The following LURAP1L variants were observed in gnomAD, a reference collection of about 807,000 sequenced individuals.
LURAP1L encodes leucine rich adaptor protein 1 like.
In LURAP1L, 12 loss-of-function variants were observed where a neutral mutation model predicts 13.8. The ratio of observed to expected loss-of-function variants is 0.87; its 90% CI spans 0.56 to 1.41. The LOEUF is 1.41. LURAP1L is among the 40% of genes most tolerant of loss of function. The pLI, the probability that LURAP1L is intolerant of heterozygous loss-of-function variation, is 0.00. For synonymous variants in LURAP1L, 139 were observed against 119.2 expected (o/e 1.17, Z -1.08); for missense variants, 375 against 292.9 (o/e 1.28, Z -2.04).
rs890485853 is a variant in LURAP1L, at chr9:12,822,243, T to C, written c.*483T>C. 1.3e-5 allele frequency: 2 copies of C among 157,124 alleles called. No homozygotes were observed. The highest frequency in any genetic ancestry group is 4.8e-5 in the African/African-American group (2 of 41,474). 9.7% of individuals were successfully genotyped at this position (157,124 alleles called of 1,614,324 possible). On this transcript the variant is annotated 3_prime_UTR_variant, in exon 2 of 2. Transcript: ENST00000319264. ...AAAATGCTTGGAACAAAATTAAGCA[T>C]TATTTCTAGACCACAACATTCTAGT...
intron 1 of LURAP1L, among the ~76,000 whole-genome samples, chr9:12,801,250 T>TA (rs1819581757): frequency 6.6e-6 from 1 of 151,824 alleles, no homozygotes; most frequent in South Asian, 2.1e-4. Context: ...CTATAACTAA[T>TA]GGAGCTTAGC....
At position 12,786,581 on chromosome 9, in the gene LURAP1L, T is replaced by TATATATATATATATATAAAC. The variant is rs61134838; in HGVS notation, c.312+10555_312+10556insTATATATATATATATAAACA. On this transcript the variant is annotated intron_variant, in intron 1 of 1. Coordinates refer to ENST00000319264, the MANE Select transcript of LURAP1L (RefSeq NM_203403.2). ...ATATATATATATATATATATATATA[T>TATATATATATATATATAAAC]AAACCCTTGTGCCTTAAGTCTGTAT... 2.3e-3 allele frequency among the ~76,000 whole-genome samples: 276 copies of TATATATATATATATATAAAC among 121,252 alleles called. 2 individuals are homozygous for TATATATATATATATATAAAC. The highest frequency in any genetic ancestry group is 4.1e-3 in the Non-Finnish European group (226 of 55,092). The allele number at this position is 121,252 out of a possible 152,430, so 79.5% of individuals were successfully genotyped here.
chr9:12,823,029 T>C lies in LURAP1L; in HGVS notation c.*1269T>C, dbSNP rs1287735601. 6.6e-6 allele frequency among the ~76,000 whole-genome samples: 1 copy of C among 152,236 alleles called. No individual in the cohort carries two copies. Among genetic ancestry groups the C allele is most frequent in the Admixed American group, 6.5e-5 (1 of 15,288 alleles). ...TTGTTTATTTCCAAGGCATGTATTA[T>C]TCAATTTCTAATTAAAATATATCAG... On this transcript the variant is annotated 3_prime_UTR_variant, in exon 2 of 2. Coordinates refer to ENST00000319264, the MANE Select transcript of LURAP1L (RefSeq NM_203403.2).
At chr9:12,794,330 T>C (rs1819484401) in intron 1 of LURAP1L, among the ~76,000 whole-genome samples, 1 of 152,110 alleles carries the variant, frequency 6.6e-6, no homozygotes, top group South Asian at 2.1e-4. Flanking sequence ...ACAAATGGAT[T>C]CTATTTGGAT....
chr9:12,807,025 A>ACTAACTAACTGACTAACTAACT (rs1563896042), intron 1 of LURAP1L, among the ~76,000 whole-genome samples: 7 of 140,190 alleles, frequency 5.0e-5, no homozygotes, highest in African/African-American at 5.4e-5. Flanking sequence ...CGTCTCAAAA[A>ACTAACTAACTGACTAACTAACT]AAAAAAAAAA....
intron 1 of LURAP1L, among the ~76,000 whole-genome samples, chr9:12,812,343 G>C (rs1819748172): frequency 6.6e-6 from 1 of 152,106 alleles, no homozygotes; most frequent in Non-Finnish European, 1.5e-5. Flanking sequence ...ATTTTAACAA[G>C]ATTTGATCCA....
intron 1 of LURAP1L, chr9:12,777,388 A>T (rs1270336778): frequency 1.0e-6 from 1 of 985,166 alleles, no homozygotes; most frequent in African/African-American, 1.7e-5. Context: ...AGGTAAAACT[A>T]TTTTCCACAA....
intron 1 of LURAP1L, among the ~76,000 whole-genome samples, chr9:12,781,626 C>T (rs188290472): frequency 2.6e-5 from 4 of 152,212 alleles, no homozygotes; most frequent in East Asian, 1.9e-4. Flanking sequence ...CTCTATTGTG[C>T]GTACGTACAA....
At chr9:12,777,453 T>G in intron 1 of LURAP1L, 1 of 985,346 alleles carries the variant, frequency 1.0e-6, no homozygotes, top group Non-Finnish European at 1.2e-6. Flanking sequence ...AATTAAGGAC[T>G]TAATATGAGG....
intron 1 of LURAP1L, among the ~76,000 whole-genome samples, chr9:12,779,217 G>A (rs16929524): frequency 6.6e-6 from 1 of 151,294 alleles, no homozygotes; most frequent in Non-Finnish European, 1.5e-5. Context: ...TGTAAGACAC[G>A]GTGCTAGTTA....
chr9:12,787,881 G>A (rs76982356), intron 1 of LURAP1L, among the ~76,000 whole-genome samples: 5,627 of 152,100 alleles, frequency 0.037, 138 homozygotes, highest in Middle Eastern at 0.13. Context: ...GGGGGTTGAG[G>A]CAGGTAGATC....
At chr9:12,777,272 G>C in intron 1 of LURAP1L, 2 of 985,326 alleles carry the variant, frequency 2.0e-6, no homozygotes, top group South Asian at 4.7e-5. Context: ...ATCTTGATGA[G>C]TTTGCAAAAT....
intron 1 of LURAP1L, among the ~76,000 whole-genome samples, chr9:12,796,870 T>G (rs970963986): frequency 2.0e-5 from 3 of 151,580 alleles, no homozygotes; most frequent in African/African-American, 4.8e-5. Flanking sequence ...GGGTAAGTTA[T>G]CTTCAAATTG....
chr9:12,817,695 G>C (rs1377428352), intron 1 of LURAP1L, among the ~76,000 whole-genome samples: 1 of 152,140 alleles, frequency 6.6e-6, no homozygotes, highest in Admixed American at 6.5e-5. Flanking sequence ...CATGCTGCAA[G>C]GGCAAGGCTA....
At chr9:12,792,172 T>C (rs1819449351) in intron 1 of LURAP1L, among the ~76,000 whole-genome samples, 1 of 151,994 alleles carries the variant, frequency 6.6e-6, no homozygotes, top group African/African-American at 2.4e-5. Context: ...AGCTGGGAGG[T>C]TTGGGACTAT....
intron 1 of LURAP1L, among the ~76,000 whole-genome samples, chr9:12,816,801 T>C (rs139203955): frequency 6.6e-6 from 1 of 152,214 alleles, no homozygotes; most frequent in South Asian, 2.1e-4. Flanking sequence ...CTGAACCATA[T>C]GACATAAACT....
intron 1 of LURAP1L, among the ~76,000 whole-genome samples, chr9:12,783,923 G>A (rs979628409): frequency 6.5e-4 from 98 of 150,346 alleles, no homozygotes; most frequent in African/African-American, 2.3e-3. Flanking sequence ...ATGTCTTCAA[G>A]CTCACTAATT....
chr9:12,821,985 C>T lies in LURAP1L; in HGVS notation c.*225C>T. The T allele has an allele frequency of 2.2e-6, 1 of 456,012 alleles. No individual in the cohort carries two copies. The highest frequency in any genetic ancestry group is 3.8e-6 in the Non-Finnish European group (1 of 264,374). The allele number at this position is 456,012 out of a possible 1,614,324, so 28.2% of individuals were successfully genotyped here. A position where few individuals can be genotyped will look rare whatever the true frequency, so the allele number is the denominator to read the frequency against. On this transcript the variant is annotated 3_prime_UTR_variant, in exon 2 of 2. Coordinates refer to ENST00000319264, the MANE Select transcript of LURAP1L (RefSeq NM_203403.2). Reference sequence around the variant, plus strand: ...TTTTTATTTATTACAATGATTTTCTCCCTTCTTTTACAGTAGCACAAACAA... The same window carrying T: ...TTTTTATTTATTACAATGATTTTCTTCCTTCTTTTACAGTAGCACAAACAA...
intron 1 of LURAP1L, among the ~76,000 whole-genome samples, chr9:12,791,147 A>G (rs1047302473): frequency 6.6e-6 from 1 of 152,144 alleles, no homozygotes; most frequent in Non-Finnish European, 1.5e-5. Context: ...CAGTGTTCAC[A>G]TAAGTAAGAT....
Sources: allele counts gnomAD v4.1 joint callset (sites outside exome capture counted in the v4.1 genomes callset), GRCh38; gene constraint gnomAD v4.1.1; transcripts MANE v1.5; gene names NCBI Gene and HGNC (gene_info 2026-07-23, HGNC 2026-07-21).